The following AMZ2 variants were observed in gnomAD, a reference collection of about 807,000 sequenced individuals.
AMZ2 encodes archaemetzincin-2.
In AMZ2, 26 loss-of-function variants were observed where a neutral mutation model predicts 36.7. The observed-to-expected ratio is 0.71, with a 90% CI of 0.52 to 0.98. The LOEUF (loss-of-function observed/expected upper bound fraction) is 0.98. Among genes scored for constraint, AMZ2 ranks in the 50% least tolerant of loss-of-function variants. The pLI is 0.00. For missense variants in AMZ2, 394 were observed against 430.5 expected (o/e 0.92, Z 0.75); for synonymous variants, 144 against 149.1 (o/e 0.97, Z 0.25).
chr17:68,236,542 C>A (rs1351980034), intron 1 of AMZ2, among the ~76,000 whole-genome samples: 1 of 144,920 alleles, frequency 6.9e-6, no homozygotes, highest in Non-Finnish European at 1.5e-5. Context: ...CTCCTTCTAA[C>A]ATTATTAACA....
At chr17:68,230,128 A>G (rs1555730865) in intron 1 of AMZ2, among the ~76,000 whole-genome samples, 1 of 152,068 alleles carries the variant, frequency 6.6e-6, no homozygotes, top group East Asian at 1.9e-4. Flanking sequence ...GTTGGAGTGC[A>G]GTGGCGTGAT....
Position 68,250,924 on chromosome 17 carries a change from C to G in AMZ2, c.414C>G (p.Ser138=). 6.2e-7 allele frequency: 1 copy of G among 1,610,294 alleles called. No individual in the cohort carries two copies. The highest frequency in any genetic ancestry group is 8.5e-7 in the Non-Finnish European group (1 of 1,179,236). The part of the protein sequence containing the change: ...EPVPVSVTRC[S]FRVNENTHNL... ...TTCCTGTTTCTGTAACAAGATGTTC[C>G]TTTAGAGTCAATGAGAACACACACA... Residue 138 remains serine, a synonymous_variant, in exon 3 of 7, where the codon TCC becomes TCG. Transcript: ENST00000359904.
intron 1 of AMZ2, among the ~76,000 whole-genome samples, chr17:68,239,144 G>GA (rs1390725196): frequency 1.3e-5 from 2 of 152,212 alleles, no homozygotes; most frequent in African/African-American, 2.4e-5. Context: ...GCAGGAGGGA[G>GA]AAAACAGGTC....
intron 1 of AMZ2, among the ~76,000 whole-genome samples, chr17:68,232,381 A>G (rs2073686818): frequency 6.6e-6 from 1 of 151,762 alleles, no homozygotes; most frequent in African/African-American, 2.4e-5. Context: ...CTCTAGTCCC[A>G]GCTACTCAGG....
rs782346491 is a variant in AMZ2, at chr17:68,250,481, G to A, written c.283+11G>A. 9 of 1,611,074 alleles carry A rather than the reference G, an allele frequency of 5.6e-6. No individual in the cohort carries two copies. The East Asian group carries it at 2.0e-4, about 36-fold the overall frequency. ...ATATACAGTCCATTGGTAAATACTGGTAATGTGCTGGTTTTGGTTCAGTTT... is the reference window on the plus strand; with the variant it reads ...ATATACAGTCCATTGGTAAATACTGATAATGTGCTGGTTTTGGTTCAGTTT... On this transcript the variant is annotated intron_variant, in intron 2 of 6. Transcript: ENST00000359904.
intron 1 of AMZ2, among the ~76,000 whole-genome samples, chr17:68,242,892 A>T (rs1263658286): frequency 5.9e-5 from 9 of 151,910 alleles, no homozygotes; most frequent in Non-Finnish European, 1.2e-4. Flanking sequence ...AAAACACAAA[A>T]CATTAGCCAG....
intron 1 of AMZ2, among the ~76,000 whole-genome samples, chr17:68,240,120 G>C (rs181697321): frequency 5.3e-5 from 8 of 152,282 alleles, no homozygotes; most frequent in African/African-American, 1.9e-4. Context: ...TCTGGGGAGG[G>C]CCTGCTTTCT....
intron 1 of AMZ2, among the ~76,000 whole-genome samples, chr17:68,209,041 G>A (rs1450101809): frequency 6.6e-6 from 1 of 152,158 alleles, no homozygotes; most frequent in Non-Finnish European, 1.5e-5. Context: ...ACATAAACTG[G>A]AAAAAGGTAA....
chr17:68,253,981 G>A (rs2074699949), intron 4 of AMZ2, among the ~76,000 whole-genome samples: 1 of 152,056 alleles, frequency 6.6e-6, no homozygotes, highest in Non-Finnish European at 1.5e-5. Flanking sequence ...CTGACATCAG[G>A]TGATCCACCT....
chr17:68,255,160 C>T (rs1396750569), intron 5 of AMZ2, among the ~76,000 whole-genome samples: 2 of 152,222 alleles, frequency 1.3e-5, no homozygotes, highest in African/African-American at 4.8e-5. Context: ...GTTTCATGGG[C>T]CCCCTGTGTC....
chr17:68,240,113 G>A (rs544262890), intron 1 of AMZ2, among the ~76,000 whole-genome samples: 1 of 152,296 alleles, frequency 6.6e-6, no homozygotes, highest in Admixed American at 6.5e-5. Flanking sequence ...TCTGGTGTCT[G>A]GGGAGGGCCT....
At chr17:68,242,095 TTGGTTGTTAATCTAAA>T (rs2073914251) in intron 1 of AMZ2, among the ~76,000 whole-genome samples, 1 of 151,938 alleles carries the variant, frequency 6.6e-6, no homozygotes, top group Non-Finnish European at 1.5e-5. Context: ...AAAGGATGGC[TTGGTTGTTAATCTAAA>T]TGAATCTCTA....
Position 68,210,879 on chromosome 17 carries a change from G to A in AMZ2, c.-67+4641G>A, listed in dbSNP as rs140698493. On this transcript the variant is annotated intron_variant, in intron 1 of 7. Coordinates refer to the AMZ2 transcript ENST00000674770. Reference sequence around the variant, plus strand: ...AGGAGGATCACCTGAGCCCAAGGAGGTTGAGGCTGCACTGAGCTGTGTTTA... The same window carrying A: ...AGGAGGATCACCTGAGCCCAAGGAGATTGAGGCTGCACTGAGCTGTGTTTA... Among the ~76,000 whole-genome samples, 6 of 148,080 alleles carry A rather than the reference G, an allele frequency of 4.1e-5. No individual in the cohort carries two copies. The East Asian group carries it at 8.2e-4, about 20-fold the overall frequency.
At chr17:68,210,908 CA>C (rs35108673) in intron 1 of AMZ2, among the ~76,000 whole-genome samples, 10,673 of 142,476 alleles carry the variant, frequency 0.075, 725 homozygotes, top group African/African-American at 0.19. Flanking sequence ...GTGTTTACAC[CA>C]TTGCACTCCA....
intron 1 of AMZ2, chr17:68,249,061 A>G (rs1555737595): frequency 8.4e-7 from 1 of 1,185,862 alleles, no homozygotes; most frequent in Admixed American, 4.5e-5. Flanking sequence ...AAAGCTCTAT[A>G]TAGGAACACG....
chr17:68,211,874 G>GTATATA lies in AMZ2; in HGVS notation c.-67+5639_-67+5640insATATAT, dbSNP rs368820389. 1.7e-3 allele frequency among the ~76,000 whole-genome samples: 230 copies of GTATATA among 134,846 alleles called. 5 individuals carry two copies. Among genetic ancestry groups the GTATATA allele is most frequent in the African/African-American group, 4.3e-3 (163 of 37,722 alleles). The allele number at this position is 134,846 out of a possible 152,430, so 88.5% of individuals were successfully genotyped here. On this transcript the variant is annotated intron_variant, in intron 1 of 7. Transcript: ENST00000674770. ...TATATGTATATGTATATATGTGTGTGTATGTATATATATATGCCTTGAGTC... is the reference window on the plus strand; with the variant it reads ...TATATGTATATGTATATATGTGTGTGTATATATATGTATATATATATGCCTTGAGTC...
At chr17:68,212,505 C>T (rs1384452934) in intron 1 of AMZ2, among the ~76,000 whole-genome samples, 6 of 152,166 alleles carry the variant, frequency 3.9e-5, no homozygotes, top group Admixed American at 2.6e-4. Flanking sequence ...CATTGCACTC[C>T]AGCTTGGGAG....
intron 4 of AMZ2, among the ~76,000 whole-genome samples, chr17:68,253,119 A>G (rs1340565588): frequency 6.6e-6 from 1 of 152,212 alleles, no homozygotes; most frequent in Non-Finnish European, 1.5e-5. Context: ...GGATTATTGG[A>G]AGAAGGAAAT....
Position 68,248,361 on chromosome 17 carries a change from G to T in AMZ2, c.-345G>T. On this transcript the variant is annotated 5_prime_UTR_variant, in exon 1 of 7. Transcript: ENST00000359904. ...AACCCCCACTCCACTCCCAGCTGGA[G>T]ACTGGGTTGTGTCTGCATGGACCAG... 1.0e-6 allele frequency: 1 copy of T among 986,076 alleles called. No homozygotes were observed. The highest frequency in any genetic ancestry group is 1.2e-6 in the Non-Finnish European group (1 of 830,104). The allele number at this position is 986,076 out of a possible 1,614,324, so 61.1% of individuals were successfully genotyped here. A position where few individuals can be genotyped will look rare whatever the true frequency, so the allele number is the denominator to read the frequency against.
Sources: allele counts gnomAD v4.1 joint callset (sites outside exome capture counted in the v4.1 genomes callset), GRCh38; gene constraint gnomAD v4.1.1; transcripts MANE v1.5; gene names NCBI Gene and HGNC (gene_info 2026-07-23, HGNC 2026-07-21).